Variants in KIF16B observed in about 807,000 individuals in gnomAD.
The protein encoded by KIF16B is kinesin family member 16B.
KIF16B carries 98 observed loss-of-function variants against 156.3 expected under a neutral mutation model. The observed-to-expected ratio is 0.63, with a 90% CI of 0.53 to 0.74. The LOEUF (loss-of-function observed/expected upper bound fraction) is 0.74. Ranked by LOEUF, KIF16B falls within the 30% of genes least tolerant of loss-of-function variation. KIF16B has a pLI of 0.00. For synonymous variants in KIF16B, 564 were observed against 583.7 expected, an observed-to-expected ratio of 0.97 and a Z score of 0.49; for missense variants, 1,421 against 1,606.5, an observed-to-expected ratio of 0.88 and a Z score of 1.97.
intron 24 of KIF16B, among the ~76,000 whole-genome samples, chr20:16,325,081 G>C (rs754770293): frequency 6.6e-6 from 1 of 151,894 alleles, no homozygotes; most frequent in Non-Finnish European, 1.5e-5. Flanking sequence ...TGCAGAAAAG[G>C]GATTTGACAA....
Position 16,540,810 on chromosome 20 carries a change from T to G in KIF16B, c.48-12370A>C, listed in dbSNP as rs185309076. ...TAAAATATAGGAAGCCCGATTAAAC[T>G]GAATTTCCCATAATAGTTAATTTTA... On this transcript the variant is annotated intron_variant, in intron 1 of 25. Transcript: ENST00000354981. Among the ~76,000 whole-genome samples the G allele has an allele frequency of 1.4e-4, 21 of 152,316 alleles. No individual in the cohort carries two copies. The East Asian group carries it at 4.1e-3, about 29-fold the overall frequency.
At chr20:16,356,508 C>T (rs1384480188) in intron 22 of KIF16B, 56 bp from the exon 23 acceptor site, 2 of 1,599,542 alleles carry the variant, frequency 1.3e-6, no homozygotes, top group Non-Finnish European at 1.7e-6. Context: ...CACTCCACTG[C>T]AAATATCCTG....
chr20:16,297,893 A>C (rs77375841), intron 25 of KIF16B, among the ~76,000 whole-genome samples: 12,793 of 152,088 alleles, frequency 0.084, 710 homozygotes, highest in Non-Finnish European at 0.13. Context: ...TCTCCCTGGA[A>C]GATGGGAATA....
At chr20:16,414,112 G>A (rs1424143679) in intron 15 of KIF16B, among the ~76,000 whole-genome samples, 1 of 151,904 alleles carries the variant, frequency 6.6e-6, no homozygotes, top group African/African-American at 2.4e-5. Context: ...ATGTTCTAGG[G>A]CCTTAGACTT....
intron 15 of KIF16B, among the ~76,000 whole-genome samples, chr20:16,409,520 G>A (rs1400421446): frequency 6.6e-6 from 1 of 152,016 alleles, no homozygotes; most frequent in East Asian, 1.9e-4. Context: ...TTCTTGCAAT[G>A]GTGACTGAAG....
intron 25 of KIF16B, among the ~76,000 whole-genome samples, chr20:16,303,412 C>G (rs1187088779): frequency 1.3e-5 from 2 of 152,176 alleles, no homozygotes; most frequent in African/African-American, 4.8e-5. Context: ...CCTCAACAAT[C>G]CTGAAAACTA....
intron 20 of KIF16B, 70 bp downstream of exon 20, chr20:16,374,187 T>C: frequency 7.1e-7 from 1 of 1,402,992 alleles, no homozygotes; most frequent in Non-Finnish European, 9.4e-7. Context: ...ACAAAGTAGT[T>C]CAACAGAGAA....
intron 3 of KIF16B, among the ~76,000 whole-genome samples, chr20:16,519,676 G>A (rs1413955812): frequency 1.3e-5 from 2 of 152,258 alleles, no homozygotes; most frequent in African/African-American, 4.8e-5. Context: ...TGATTCTGGT[G>A]CATGGACACA....
intron 24 of KIF16B, among the ~76,000 whole-genome samples, chr20:16,321,216 T>C (rs2063768140): frequency 6.6e-6 from 1 of 152,146 alleles, no homozygotes; most frequent in Admixed American, 6.6e-5. Flanking sequence ...CATTTTGGGA[T>C]AATCTGTTCC....
chr20:16,372,855 A>G (rs971701176), intron 20 of KIF16B, among the ~76,000 whole-genome samples: 30 of 151,924 alleles, frequency 2.0e-4, no homozygotes, highest in African/African-American at 6.8e-4. Flanking sequence ...CCGCCACCAC[A>G]CCCGGCTAAT....
In KIF16B at chr20:16,312,344, A is replaced by G; in HGVS notation, c.3786T>C (p.Ser1262=). 1 of 1,612,568 alleles carries G rather than the reference A, an allele frequency of 6.2e-7. No individual in the cohort carries two copies. Among genetic ancestry groups the G allele is most frequent in the Non-Finnish European group, 8.5e-7 (1 of 1,178,908 alleles). Residue 1262 remains serine, a synonymous_variant, in exon 25 of 26, where the codon AGT becomes AGC. Transcript: ENST00000354981. ...KDERVIAERR[S]HLEKYLRDFF... is the part of the protein sequence containing the mutation. ...AGCTTAATTCTGTTACCTCTAAGTG[A>G]CTTCGTCTCTCAGCAATCACACGTT... is the stretch of plus-strand genomic sequence containing the variant.
At chr20:16,390,023 G>A (rs2065326234) in intron 17 of KIF16B, among the ~76,000 whole-genome samples, 1 of 152,134 alleles carries the variant, frequency 6.6e-6, no homozygotes, top group Non-Finnish European at 1.5e-5. Context: ...TACAATTCGA[G>A]GGGTGTGTAT....
At chr20:16,427,391 G>C in intron 14 of KIF16B, 150 bp from the exon 15 acceptor site, 2 of 752,610 alleles carry the variant, frequency 2.7e-6, no homozygotes, top group South Asian at 4.4e-5. Context: ...TGTTTAGTGA[G>C]AAAACCGAAC....
At chr20:16,423,200 C>T (rs556543226) in intron 15 of KIF16B, among the ~76,000 whole-genome samples, 1 of 151,908 alleles carries the variant, frequency 6.6e-6, no homozygotes, top group East Asian at 1.9e-4. Context: ...AACCAATGAA[C>T]CCAGGTGTAT....
chr20:16,440,543 A>ATG (rs1568985590), intron 12 of KIF16B, among the ~76,000 whole-genome samples: 18 of 86,442 alleles, frequency 2.1e-4, no homozygotes, highest in African/African-American at 6.7e-4. Flanking sequence ...GCACACACAC[A>ATG]CACACACACA....
At chr20:16,310,860 A>G (rs1305130042) in intron 25 of KIF16B, among the ~76,000 whole-genome samples, 3 of 152,176 alleles carry the variant, frequency 2.0e-5, no homozygotes, top group Non-Finnish European at 4.4e-5. Flanking sequence ...GCATGGCTGT[A>G]TCCCGAAACT....
intron 17 of KIF16B, among the ~76,000 whole-genome samples, chr20:16,394,975 G>A (rs201125565): frequency 2.6e-5 from 4 of 151,550 alleles, no homozygotes; most frequent in African/African-American, 7.3e-5. Flanking sequence ...TTTATTAGAC[G>A]TCTAAGTTCC....
intron 17 of KIF16B, among the ~76,000 whole-genome samples, chr20:16,404,075 T>C (rs1348379844): frequency 1.3e-5 from 2 of 152,230 alleles, no homozygotes; most frequent in East Asian, 3.8e-4. Flanking sequence ...ACATAGTGCC[T>C]GGCATATAGT....
In KIF16B at chr20:16,367,612, T is replaced by C. The variant is rs754974442; in HGVS notation, c.3498+2974A>G. 7 of 1,612,670 alleles carry C rather than the reference T, an allele frequency of 4.3e-6. No individual in the cohort carries two copies. The African/African-American group carries it at 6.7e-5, about 15-fold the overall frequency. On this transcript the variant is annotated intron_variant, in intron 22 of 25. Transcript: ENST00000354981. The stretch of plus-strand genomic sequence containing the variant: ...CTGAACTTCTGCCAGGGAAGGGACA[T>C]TGACTTCCATATTTCCATGAAGAAA...
Sources: allele counts gnomAD v4.1 joint callset (sites outside exome capture counted in the v4.1 genomes callset), GRCh38; gene constraint gnomAD v4.1.1; transcripts MANE v1.5; gene names NCBI Gene and HGNC (gene_info 2026-07-23, HGNC 2026-07-21).